GCFC2: variants seen among roughly 807,000 people sequenced by gnomAD.
GCFC2 encodes the protein GC-rich sequence DNA-binding factor 2.
Under a neutral mutation model 99.4 loss-of-function variants are expected in GCFC2, and 102 were observed. That is an observed-to-expected ratio of 1.03 (90% CI 0.87 to 1.21). GCFC2 has a LOEUF of 1.21. GCFC2 is among the 50% of genes most tolerant of loss of function. The pLI is 0.00. For missense variants in GCFC2, 973 were observed against 920.9 expected (o/e 1.06, Z -0.73); for synonymous variants, 338 against 316.8 (o/e 1.07, Z -0.71).
chr2:75,682,241 A>G (rs889755824), intron 11 of GCFC2, among the ~76,000 whole-genome samples: 3 of 151,852 alleles, frequency 2.0e-5, no homozygotes, highest in African/African-American at 7.3e-5. Flanking sequence ...AAGCTTCCAG[A>G]GGAAGGAACA....
chr2:75,710,798 C>A lies in GCFC2; in HGVS notation c.58G>T (p.Asp20Tyr), dbSNP rs1273331767. 6.3e-7 allele frequency: 1 copy of A among 1,578,018 alleles called. No individual in the cohort carries two copies. Among genetic ancestry groups the A allele is most frequent in the Non-Finnish European group, 8.6e-7 (1 of 1,168,302 alleles). The change falls in exon 1 of 17, where the codon GAT becomes TAT. Residue 20 changes from aspartate (D) to tyrosine (Y), a missense_variant. Transcript: ENST00000321027. ...RQRAADSSDS[D>Y]GAEESPAEPG... ...TCAGCAGGCGACTCCTCGGCGCCAT[C>A]GCTGTCGCTGGAATCAGCCGCGCGC...
intron 12 of GCFC2, among the ~76,000 whole-genome samples, chr2:75,677,605 C>T (rs1679402148): frequency 6.6e-6 from 1 of 152,186 alleles, no homozygotes; most frequent in Admixed American, 6.5e-5. Context: ...AGTGCTGAGA[C>T]TGAAAACCCT....
intron 6 of GCFC2, among the ~76,000 whole-genome samples, chr2:75,693,956 T>C (rs558767855): frequency 1.8e-4 from 27 of 152,176 alleles, no homozygotes; most frequent in African/African-American, 3.1e-4. Context: ...ATATTTAGAC[T>C]TAATAATTCA....
Position 75,673,479 on chromosome 2 carries a change from T to G in GCFC2, c.1854A>C (p.Val618=). Residue 618 remains valine (V), a synonymous_variant, in exon 13 of 17, where the codon GTA becomes GTC. Coordinates refer to ENST00000321027, the MANE Select transcript of GCFC2 (RefSeq NM_003203.5). ...ACAGAGGAATAAAAACATCATCTTCTACTGCCTTTTTCATTCTTGAAACAA... is the reference window on the plus strand; with the variant it reads ...ACAGAGGAATAAAAACATCATCTTCGACTGCCTTTTTCATTCTTGAAACAA... The part of the protein sequence containing the change: ...KSIVSRMKKA[V]EDDVFIPLYP... The G allele has an allele frequency of 7.0e-7, 1 of 1,436,200 alleles. No individual in the cohort carries two copies. The highest frequency in any genetic ancestry group is 9.8e-7 in the Non-Finnish European group (1 of 1,018,116). The allele number at this position is 1,436,200 out of a possible 1,614,324, so 89.0% of individuals were successfully genotyped here.
upstream of GCFC2, among the ~76,000 whole-genome samples, chr2:75,713,077 T>A (rs907310877): frequency 1.3e-5 from 2 of 152,174 alleles, no homozygotes; most frequent in African/African-American, 4.8e-5. Context: ...TTTTCTTGGC[T>A]TTGTCTTTTT....
At position 75,664,307 on chromosome 2, in the gene GCFC2, A is replaced by G. The variant is rs1678732780; in HGVS notation, c.*359T>C. On this transcript the variant is annotated 3_prime_UTR_variant, in exon 17 of 17. Transcript: ENST00000321027. The stretch of plus-strand genomic sequence containing the variant: ...AGGTAGTTAAAGAGAACTAAAAGAT[A>G]TTATTGTGGTTCAGGACAGAAGACT... 6.4e-6 allele frequency: 1 copy of G among 155,136 alleles called. No individual in the cohort carries two copies. Among genetic ancestry groups the G allele is most frequent in the African/African-American group, 2.4e-5 (1 of 41,580 alleles). The allele number at this position is 155,136 out of a possible 1,614,324, so 9.6% of individuals were successfully genotyped here.
intron 11 of GCFC2, among the ~76,000 whole-genome samples, chr2:75,683,771 C>CAAAAAAAAAAAAAAAAAAAAGGAAAAA (rs1679684931): frequency 1.7e-5 from 1 of 60,424 alleles, no homozygotes; most frequent in East Asian, 5.7e-4. Context: ...AAATGGAAAG[C>CAAAAAAAAAAAAAAAAAAAAGGAAAAA]AAAAAAAAAA....
chr2:75,710,177 G>A (rs1282308942), intron 1 of GCFC2, among the ~76,000 whole-genome samples: 2 of 152,192 alleles, frequency 1.3e-5, no homozygotes, highest in Non-Finnish European at 2.9e-5. Flanking sequence ...CTGGCTAAAT[G>A]TTTTCAAGAA....
chr2:75,701,877 TA>T (rs1416266697), intron 3 of GCFC2: 158 of 1,031,034 alleles, frequency 1.5e-4, no homozygotes, highest in East Asian at 6.0e-4. Context: ...GCTTCCATGT[TA>T]AAAAAAATAT....
intron 4 of GCFC2, 99 bp downstream of exon 4, chr2:75,701,091 G>T (rs1459830982): frequency 1.5e-5 from 11 of 712,930 alleles, no homozygotes; most frequent in Non-Finnish European, 4.9e-6. Flanking sequence ...CCTCCACGCT[G>T]TGAGAGAATA....
rs1681147461 is a variant in GCFC2, at chr2:75,710,875, G to A, written c.-20C>T. The A allele has an allele frequency of 2.6e-6, 4 of 1,533,278 alleles. No homozygotes were observed. Among genetic ancestry groups the A allele is most frequent in the African/African-American group, 1.4e-5 (1 of 69,714 alleles). The allele number at this position is 1,533,278 out of a possible 1,614,324, so 95.0% of individuals were successfully genotyped here. ...AGCCATGGCCGAGGCCCGAGCGCCC[G>A]GCGCCCTAGAACCCGCTGAACCGCA... On this transcript the variant is annotated 5_prime_UTR_variant, in exon 1 of 17. Transcript: ENST00000321027.
At chr2:75,694,106 G>GCTTA (rs34999567) in intron 6 of GCFC2, 135 bp downstream of exon 6, 166,793 of 380,168 alleles carry the variant, frequency 0.44, 39,259 homozygotes, top group African/African-American at 0.73. Flanking sequence ...TTAAGAGAAT[G>GCTTA]CTATCATCTT....
intron 1 of GCFC2, among the ~76,000 whole-genome samples, chr2:75,708,292 C>A (rs1340361728): frequency 2.0e-5 from 3 of 152,056 alleles, no homozygotes; most frequent in Non-Finnish European, 4.4e-5. Context: ...ACTGATTAAT[C>A]AGTGGTAATA....
intron 11 of GCFC2, among the ~76,000 whole-genome samples, chr2:75,687,012 G>C (rs1054506421): frequency 6.6e-6 from 1 of 151,340 alleles, no homozygotes; most frequent in African/African-American, 2.4e-5. Context: ...TCGGCTCACC[G>C]CAACCTTCGC....
In GCFC2 at chr2:75,690,060, CCTTG is replaced by C; in HGVS notation, c.1244_1247del (p.Ala415GlyfsTer24). On this transcript the variant is annotated frameshift_variant, in exon 9 of 17. Coordinates refer to ENST00000321027, the MANE Select transcript of GCFC2 (RefSeq NM_003203.5). LOFTEE classifies it high-confidence loss of function. Reference sequence around the variant, plus strand: ...GATGGTTACAATTCCCAGAAAGCACCCTTGCTTGTCTTCTTTTTGTCCTATATTT... The same window carrying C: ...GATGGTTACAATTCCCAGAAAGCACCCTTGTCTTCTTTTTGTCCTATATTT... 1 of 1,602,612 alleles carries C rather than the reference CCTTG, an allele frequency of 6.2e-7. No homozygotes were observed. The highest frequency in any genetic ancestry group is 8.5e-7 in the Non-Finnish European group (1 of 1,172,488).
intron 1 of GCFC2, among the ~76,000 whole-genome samples, chr2:75,709,260 A>G (rs1315542849): frequency 6.6e-6 from 1 of 152,228 alleles, no homozygotes; most frequent in Non-Finnish European, 1.5e-5. Context: ...ATTCCCAAAG[A>G]GTTTGAGAAC....
intron 11 of GCFC2, among the ~76,000 whole-genome samples, chr2:75,683,771 C>CAAAAAAAAAAAAAAAAAAAAA (rs749580096): frequency 1.5e-4 from 9 of 60,394 alleles, no homozygotes; most frequent in Admixed American, 4.5e-4. Context: ...AAATGGAAAG[C>CAAAAAAAAAAAAAAAAAAAAA]AAAAAAAAAA....
At chr2:75,699,011 C>CAAA (rs57676585) in intron 4 of GCFC2, among the ~76,000 whole-genome samples, 15 of 84,470 alleles carry the variant, frequency 1.8e-4, no homozygotes, top group African/African-American at 5.2e-4. Flanking sequence ...AACTCTGTCT[C>CAAA]AAAAAAAAAA....
chr2:75,681,534 CTTTTT>C (rs568994356), intron 11 of GCFC2, among the ~76,000 whole-genome samples: 1 of 151,034 alleles, frequency 6.6e-6, no homozygotes, highest in Non-Finnish European at 1.5e-5. Context: ...TAGCTGCAGG[CTTTTT>C]TTTTAATTTT....
Sources: allele counts gnomAD v4.1 joint callset (sites outside exome capture counted in the v4.1 genomes callset), GRCh38; gene constraint gnomAD v4.1.1; transcripts MANE v1.5; gene names NCBI Gene and HGNC (gene_info 2026-07-23, HGNC 2026-07-21).